The following ZNF804A variants were observed in gnomAD, a reference collection of about 807,000 sequenced individuals.
The protein encoded by ZNF804A is zinc finger protein 804A.
A neutral mutation model predicts 16.5 loss-of-function variants in ZNF804A; 2 were observed. The observed-to-expected ratio is 0.12, with a 90% CI of 0.05 to 0.38. ZNF804A has a LOEUF of 0.38. ZNF804A is among the 10% of genes least tolerant of loss of function. The pLI is 0.99. For missense variants in ZNF804A, 1,473 were observed against 1,390.7 expected (o/e 1.06, Z -0.94); for synonymous variants, 534 against 489.6 (o/e 1.09, Z -1.20).
chr2:184,882,809 A>G (rs562375240), intron 2 of ZNF804A, among the ~76,000 whole-genome samples: 25 of 152,238 alleles, frequency 1.6e-4, no homozygotes, highest in African/African-American at 6.0e-4. Flanking sequence ...GGTTTATAGC[A>G]CTAAATATCC....
chr2:184,871,379 A>C (rs1194389576), intron 2 of ZNF804A, among the ~76,000 whole-genome samples: 14 of 150,602 alleles, frequency 9.3e-5, no homozygotes, highest in Non-Finnish European at 1.5e-5. Context: ...TGAAAGCTGC[A>C]CTTAGGTCTT....
intron 1 of ZNF804A, among the ~76,000 whole-genome samples, chr2:184,692,455 G>A (rs1692747842): frequency 6.6e-6 from 1 of 152,120 alleles, no homozygotes; most frequent in Non-Finnish European, 1.5e-5. Flanking sequence ...ATTATCCAGT[G>A]GAAATAATTC....
At chr2:184,679,425 G>A (rs774984686) in intron 1 of ZNF804A, among the ~76,000 whole-genome samples, 10 of 152,168 alleles carry the variant, frequency 6.6e-5, no homozygotes, top group Non-Finnish European at 1.5e-4. Context: ...GGGGACAGGT[G>A]GAGCCCCACC....
chr2:184,799,543 A>T (rs1269427821), intron 1 of ZNF804A, among the ~76,000 whole-genome samples: 4 of 151,856 alleles, frequency 2.6e-5, no homozygotes. Context: ...TTTTTTTGAA[A>T]CAAGGTTTCA....
rs1685804303 is a variant in ZNF804A at position 184,937,116 on chromosome 2, GA to G, written c.1721del (p.Asp574ValfsTer7). ...TKSQIKQDTL[D>X]EKYNKIRLKE... ...AAGTCAAATAAAACAGGACACTCTA[GA>G]TGAAAAATACAACAAAATAAGGTTG... On this transcript the variant is annotated frameshift_variant, in exon 4 of 4. Coordinates refer to ENST00000302277, the MANE Select transcript of ZNF804A (RefSeq NM_194250.2). LOFTEE classifies it low-confidence loss of function (END_TRUNC). The G allele has an allele frequency of 6.2e-7, 1 of 1,603,926 alleles. No homozygotes were observed. The highest frequency in any genetic ancestry group is 1.4e-5 in the African/African-American group (1 of 73,904).
chr2:184,836,540 T>G (rs1695347910), intron 1 of ZNF804A, among the ~76,000 whole-genome samples: 1 of 152,106 alleles, frequency 6.6e-6, no homozygotes, highest in Non-Finnish European at 1.5e-5. Context: ...ACAGATTAGA[T>G]AAACTCATTC....
intron 1 of ZNF804A, among the ~76,000 whole-genome samples, chr2:184,763,630 C>CTCT (rs1491488788): frequency 4.6e-3 from 98 of 21,268 alleles, no homozygotes; most frequent in Non-Finnish European, 6.1e-3. Flanking sequence ...CTTCAAAGTG[C>CTCT]TTTTTTTTTT....
At chr2:184,872,929 G>A (rs1461366865) in intron 2 of ZNF804A, among the ~76,000 whole-genome samples, 2 of 152,152 alleles carry the variant, frequency 1.3e-5, no homozygotes, top group East Asian at 3.8e-4. Flanking sequence ...ATAGAGCTGT[G>A]ACACAAAGAT....
intron 1 of ZNF804A, among the ~76,000 whole-genome samples, chr2:184,829,216 G>A (rs1338937510): frequency 6.6e-6 from 1 of 151,462 alleles, no homozygotes; most frequent in Non-Finnish European, 1.5e-5. Flanking sequence ...TATATCAAAT[G>A]TGTATATATT....
chr2:184,751,819 A>G (rs1204714410), intron 1 of ZNF804A, among the ~76,000 whole-genome samples: 1 of 151,796 alleles, frequency 6.6e-6, no homozygotes, highest in Admixed American at 6.6e-5. Flanking sequence ...TGGGCAAAGG[A>G]CATAAAGTGA....
At chr2:184,608,665 T>C (rs1238184871) in intron 1 of ZNF804A, among the ~76,000 whole-genome samples, 1 of 152,172 alleles carries the variant, frequency 6.6e-6, no homozygotes, top group Non-Finnish European at 1.5e-5. Context: ...CCAGACAAGC[T>C]CCTACCCATC....
At chr2:184,728,941 T>C (rs1173614704) in intron 1 of ZNF804A, among the ~76,000 whole-genome samples, 1 of 151,906 alleles carries the variant, frequency 6.6e-6, no homozygotes, top group African/African-American at 2.4e-5. Flanking sequence ...GCCAAGCTCA[T>C]AAAAACAAAT....
chr2:184,870,084 T>G (rs1414087166), intron 2 of ZNF804A, among the ~76,000 whole-genome samples: 1 of 152,080 alleles, frequency 6.6e-6, no homozygotes, highest in African/African-American at 2.4e-5. Flanking sequence ...CATGCCCTTA[T>G]CTTCCCGGTG....
At chr2:184,693,929 CTTTT>C (rs34131171) in intron 1 of ZNF804A, among the ~76,000 whole-genome samples, 2 of 121,220 alleles carry the variant, frequency 1.6e-5, no homozygotes, top group Non-Finnish European at 1.7e-5. Flanking sequence ...CTAACTTAGT[CTTTT>C]TTTTTTTTTT....
intron 2 of ZNF804A, among the ~76,000 whole-genome samples, chr2:184,897,582 T>A (rs914187432): frequency 1.3e-5 from 2 of 152,138 alleles, no homozygotes; most frequent in Non-Finnish European, 2.9e-5. Flanking sequence ...AGTATCTAAA[T>A]AAATAATTTG....
chr2:184,803,336 C>T (rs1172884980), intron 1 of ZNF804A, among the ~76,000 whole-genome samples: 1 of 152,132 alleles, frequency 6.6e-6, no homozygotes, highest in Non-Finnish European at 1.5e-5. Flanking sequence ...TTTATAATTG[C>T]AACACCCATC....
In ZNF804A at chr2:184,937,119, G is replaced by A; in HGVS notation, c.1723G>A (p.Glu575Lys). 6.2e-7 allele frequency: 1 copy of A among 1,603,748 alleles called. No individual in the cohort carries two copies. Residue 575 changes from glutamate to lysine, a missense_variant, in exon 4 of 4, where the codon GAA becomes AAA. Glu to Lys is a moderately conservative substitution (Grantham distance 56). Transcript: ENST00000302277. ...KSQIKQDTLDEKYNKIRLKET... is the reference protein window; with the variant it reads ...KSQIKQDTLDKKYNKIRLKET... ...TCAAATAAAACAGGACACTCTAGAT[G>A]AAAAATACAACAAAATAAGGTTGAA...
intron 1 of ZNF804A, among the ~76,000 whole-genome samples, chr2:184,771,254 G>T (rs1287991806): frequency 6.6e-6 from 1 of 151,936 alleles, no homozygotes; most frequent in African/African-American, 2.4e-5. Context: ...TTGACAATAA[G>T]GTTGTAGTGC....
At chr2:184,799,676 G>A (rs1444467025) in intron 1 of ZNF804A, among the ~76,000 whole-genome samples, 2 of 151,958 alleles carry the variant, frequency 1.3e-5, no homozygotes, top group East Asian at 1.9e-4. Flanking sequence ...GGCACACACC[G>A]TTATGCCTGG....
Sources: allele counts gnomAD v4.1 joint callset (sites outside exome capture counted in the v4.1 genomes callset), GRCh38; gene constraint gnomAD v4.1.1; transcripts MANE v1.5; gene names NCBI Gene and HGNC (gene_info 2026-07-23, HGNC 2026-07-21).